CSMD1: variants seen among roughly 807,000 people sequenced by gnomAD.
CSMD1 encodes the protein CUB and Sushi multiple domains 1, also known as CUB and sushi domain-containing protein 1.
CSMD1 carries 213 observed loss-of-function variants against 417.5 expected under a neutral mutation model. The ratio of observed to expected loss-of-function variants is 0.51; its 90% CI spans 0.46 to 0.57. The LOEUF (loss-of-function observed/expected upper bound fraction) is 0.57. Among genes scored for constraint, CSMD1 ranks in the 20% least tolerant of loss-of-function variants. The probability of loss-of-function intolerance (pLI) is 0.00; values close to 1 mark genes in which losing one functional copy is unlikely to be tolerated. For synonymous variants in CSMD1, 2,862 were observed against 1,736.8 expected (o/e 1.65, Z -16.11); for missense variants, 6,923 against 4,529.7 (o/e 1.53, Z -15.17).
At chr8:3,542,252 T>A (rs113798581) in intron 10 of CSMD1, among the ~76,000 whole-genome samples, 2,792 of 152,318 alleles carry the variant, frequency 0.018, 84 homozygotes, top group African/African-American at 0.064. Context: ...CTGTCATAAA[T>A]TCTTTACTCT....
chr8:4,275,573 T>C (rs1373384244), intron 3 of CSMD1, among the ~76,000 whole-genome samples: 1 of 152,164 alleles, frequency 6.6e-6, no homozygotes, highest in Non-Finnish European at 1.5e-5. Context: ...GTTCCTAAAA[T>C]TGGCATAGAT....
In CSMD1 at chr8:3,211,650, G is replaced by C. The variant is rs528517414; in HGVS notation, c.4867+2847C>G. Reference sequence around the variant, plus strand: ...CATCGCTCTCAGCCCTGCGAGTCTTGTCTGGAGTGACACAGACGGGAGGAG... The same window carrying C: ...CATCGCTCTCAGCCCTGCGAGTCTTCTCTGGAGTGACACAGACGGGAGGAG... On this transcript the variant is annotated intron_variant, in intron 30 of 69. Coordinates refer to ENST00000635120, the MANE Select transcript of CSMD1 (RefSeq NM_033225.6). Among the ~76,000 whole-genome samples the C allele has an allele frequency of 7.2e-5, 11 of 152,326 alleles. No homozygotes were observed. The East Asian group carries it at 1.9e-3, about 27-fold the overall frequency.
chr8:3,784,048 G>T (rs1357961086), intron 5 of CSMD1, among the ~76,000 whole-genome samples: 1 of 152,202 alleles, frequency 6.6e-6, no homozygotes, highest in African/African-American at 2.4e-5. Flanking sequence ...CAGCACTGTT[G>T]TGAAGATTGA....
At chr8:4,182,051 T>G (rs990860281) in intron 3 of CSMD1, among the ~76,000 whole-genome samples, 1 of 151,894 alleles carries the variant, frequency 6.6e-6, no homozygotes. Flanking sequence ...TGTCGGTGTG[T>G]GTGTGTGTGT....
intron 3 of CSMD1, among the ~76,000 whole-genome samples, chr8:4,144,385 T>G (rs1204981380): frequency 6.6e-6 from 1 of 151,232 alleles, no homozygotes; most frequent in Non-Finnish European, 1.5e-5. Flanking sequence ...TTTTAGAACT[T>G]AATTTATCTT....
intron 1 of CSMD1, among the ~76,000 whole-genome samples, chr8:4,737,636 A>C (rs962591515): frequency 2.6e-5 from 4 of 152,188 alleles, no homozygotes; most frequent in Admixed American, 2.6e-4. Flanking sequence ...ATTTTTTACC[A>C]AATGGTTGAG....
chr8:4,687,159 G>C (rs1806444332), intron 1 of CSMD1, among the ~76,000 whole-genome samples: 1 of 152,214 alleles, frequency 6.6e-6, no homozygotes, highest in Admixed American at 6.5e-5. Flanking sequence ...ACCGCTGCCA[G>C]CCAGAGAGGC....
At chr8:4,438,556 A>C (rs937842335) in intron 2 of CSMD1, among the ~76,000 whole-genome samples, 5 of 152,100 alleles carry the variant, frequency 3.3e-5, no homozygotes, top group Non-Finnish European at 7.4e-5. Context: ...TTCCATCTCT[A>C]AGCTGACGGG....
chr8:4,107,236 G>A (rs944812377), intron 3 of CSMD1, among the ~76,000 whole-genome samples: 2 of 152,200 alleles, frequency 1.3e-5, no homozygotes, highest in African/African-American at 4.8e-5. Flanking sequence ...GCTGGCGCCA[G>A]AATGGAAACC....
chr8:3,653,545 G>T (rs141336164), intron 7 of CSMD1, among the ~76,000 whole-genome samples: 1 of 152,158 alleles, frequency 6.6e-6, no homozygotes, highest in Non-Finnish European at 1.5e-5. Flanking sequence ...CTGACCTCAA[G>T]TAATCAGCGC....
intron 7 of CSMD1, among the ~76,000 whole-genome samples, chr8:3,685,073 T>G (rs1325037747): frequency 1.3e-5 from 2 of 152,090 alleles, no homozygotes. Context: ...ATAAGAGATG[T>G]CTTCATTATA....
At chr8:3,305,912 C>G (rs979498291) in intron 25 of CSMD1, among the ~76,000 whole-genome samples, 4 of 152,108 alleles carry the variant, frequency 2.6e-5, no homozygotes, top group African/African-American at 9.7e-5. Context: ...GATCTCCTCA[C>G]CTGGTGATTT....
chr8:4,334,436 C>A (rs1324876098), intron 3 of CSMD1, among the ~76,000 whole-genome samples: 1 of 152,110 alleles, frequency 6.6e-6, no homozygotes, highest in Non-Finnish European at 1.5e-5. Context: ...CAAAGAGATT[C>A]TTTCTCAAGA....
intron 42 of CSMD1, among the ~76,000 whole-genome samples, chr8:3,114,338 AT>A (rs1816724245): frequency 1.3e-5 from 2 of 151,982 alleles, no homozygotes; most frequent in African/African-American, 4.8e-5. Flanking sequence ...TTTCTCTAGT[AT>A]TATGTTAAGT....
chr8:4,572,573 G>A (rs1041462477), intron 2 of CSMD1, among the ~76,000 whole-genome samples: 3 of 152,072 alleles, frequency 2.0e-5, no homozygotes, highest in Non-Finnish European at 4.4e-5. Flanking sequence ...TTCAACCTTG[G>A]TGAATGCGAT....
intron 3 of CSMD1, among the ~76,000 whole-genome samples, chr8:4,382,000 C>T (rs965211184): frequency 5.9e-5 from 9 of 152,078 alleles, no homozygotes; most frequent in African/African-American, 2.2e-4. Flanking sequence ...ACCAAGATCC[C>T]TGAAAAAGGA....
intron 10 of CSMD1, among the ~76,000 whole-genome samples, chr8:3,532,744 G>C (rs889231254): frequency 6.6e-6 from 1 of 151,982 alleles, no homozygotes; most frequent in Non-Finnish European, 1.5e-5. Context: ...CATATCTATT[G>C]ATCAATATAT....
chr8:2,945,231 T>A (rs1292341011), intron 68 of CSMD1, among the ~76,000 whole-genome samples: 2 of 152,256 alleles, frequency 1.3e-5, no homozygotes, highest in African/African-American at 4.8e-5. Flanking sequence ...AATGTACTCG[T>A]AATATGTGTG....
At chr8:3,596,139 G>C (rs1045970643) in intron 8 of CSMD1, among the ~76,000 whole-genome samples, 5 of 152,196 alleles carry the variant, frequency 3.3e-5, no homozygotes, top group African/African-American at 1.2e-4. Flanking sequence ...GCTCGAGGGA[G>C]GAAACAGTGA....
Sources: gnomAD v4.1 joint callset for allele counts (sites outside exome capture counted in the v4.1 genomes callset) on GRCh38, gnomAD v4.1.1 for gene constraint, MANE v1.5 for transcripts, NCBI Gene and HGNC (gene_info 2026-07-23, HGNC 2026-07-21) for gene names.